Variants in ITGA1 observed in about 807,000 individuals in gnomAD.
The protein encoded by ITGA1 is integrin subunit alpha 1.
Under a neutral mutation model 145.9 loss-of-function variants are expected in ITGA1, and 85 were observed. The observed-to-expected ratio is 0.58, with a 90% CI of 0.49 to 0.70. The LOEUF (loss-of-function observed/expected upper bound fraction) is 0.70. Among genes scored for constraint, ITGA1 ranks in the 30% least tolerant of loss-of-function variants. The pLI, the probability that ITGA1 is intolerant of heterozygous loss-of-function variation, is 0.00. For synonymous variants in ITGA1, 520 were observed against 495.3 expected (o/e 1.05, Z -0.66); for missense variants, 1,351 against 1,418.7 (o/e 0.95, Z 0.77).
chr5:52,790,927 C>A lies in ITGA1; in HGVS notation c.61+2513C>A, dbSNP rs539262654. 3.7e-4 allele frequency among the ~76,000 whole-genome samples: 57 copies of A among 152,274 alleles called. No homozygotes were observed. In the South Asian group the frequency reaches 4.8e-3, roughly 13 times the overall value. ...GTTCATTTTGCCACTGAAGATATGA[C>A]CTTGTTTTATACATCGAGAAAAGAA... On this transcript the variant is annotated intron_variant, in intron 1 of 28. Transcript: ENST00000282588.
chr5:52,930,893 T>A (rs1298841413), intron 21 of ITGA1, among the ~76,000 whole-genome samples: 1 of 151,956 alleles, frequency 6.6e-6, no homozygotes, highest in Non-Finnish European at 1.5e-5. Flanking sequence ...GCCAGTAAAG[T>A]TTTTGAGAGG....
intron 6 of ITGA1, among the ~76,000 whole-genome samples, chr5:52,868,616 T>A (rs975617956): frequency 1.3e-5 from 2 of 152,158 alleles, no homozygotes; most frequent in African/African-American, 4.8e-5. Flanking sequence ...TCAGACAAAT[T>A]CAGGAGGGCC....
At chr5:52,866,467 T>C (rs1293926954) in intron 6 of ITGA1, among the ~76,000 whole-genome samples, 1 of 152,176 alleles carries the variant, frequency 6.6e-6, no homozygotes, top group African/African-American at 2.4e-5. Context: ...GAGCCGGGTG[T>C]CAGAGTTTGT....
At chr5:52,868,200 A>C (rs1432112928) in intron 6 of ITGA1, among the ~76,000 whole-genome samples, 4 of 152,216 alleles carry the variant, frequency 2.6e-5, no homozygotes, top group African/African-American at 7.2e-5. Context: ...ACAGCCATCT[A>C]AATATTTTAT....
chr5:52,846,674 A>G (rs1478689063), intron 1 of ITGA1, among the ~76,000 whole-genome samples: 3 of 152,216 alleles, frequency 2.0e-5, no homozygotes, highest in African/African-American at 7.2e-5. Context: ...AATGTACATA[A>G]AAGGACCCGT....
chr5:52,836,961 A>T (rs758749708), intron 1 of ITGA1, among the ~76,000 whole-genome samples: 3 of 152,216 alleles, frequency 2.0e-5, no homozygotes, highest in African/African-American at 7.2e-5. Flanking sequence ...CGAGAAAATT[A>T]TGAGGAATAA....
rs141246466 is a variant in ITGA1, at chr5:52,796,011, T to C, written c.61+7597T>C. Among the ~76,000 whole-genome samples, 26 of 152,086 alleles carry C rather than the reference T, an allele frequency of 1.7e-4. No homozygotes were observed. In the East Asian group the frequency reaches 3.1e-3, roughly 18 times the overall value. Reference sequence around the variant, plus strand: ...TCTTAGAAAAATCAGATTTGAAAGATAGCACGCAAAATTGAAAACAAATAT... The same window carrying C: ...TCTTAGAAAAATCAGATTTGAAAGACAGCACGCAAAATTGAAAACAAATAT... On this transcript the variant is annotated intron_variant, in intron 1 of 28. Transcript: ENST00000282588.
intron 1 of ITGA1, among the ~76,000 whole-genome samples, chr5:52,829,460 G>A (rs1749022504): frequency 6.6e-6 from 1 of 152,116 alleles, no homozygotes; most frequent in Non-Finnish European, 1.5e-5. Context: ...CAAAATATCT[G>A]TAGGTTAAGG....
chr5:52,791,818 A>T (rs1157301056), intron 1 of ITGA1, among the ~76,000 whole-genome samples: 2 of 152,236 alleles, frequency 1.3e-5, no homozygotes, highest in East Asian at 1.9e-4. Flanking sequence ...TATTTTAGAG[A>T]TGAGGAAATC....
At chr5:52,858,309 T>A (rs1401330347) in intron 2 of ITGA1, among the ~76,000 whole-genome samples, 2 of 152,218 alleles carry the variant, frequency 1.3e-5, no homozygotes, top group Non-Finnish European at 2.9e-5. Flanking sequence ...TTTACCTCTC[T>A]AGCCTCAACT....
chr5:52,807,485 C>T (rs764616996), intron 1 of ITGA1, among the ~76,000 whole-genome samples: 21 of 151,988 alleles, frequency 1.4e-4, no homozygotes, highest in Non-Finnish European at 2.4e-4. Flanking sequence ...TGAGGTGCTC[C>T]CTCAGCTATC....
At chr5:52,930,830 A>G (rs1189183884) in intron 21 of ITGA1, among the ~76,000 whole-genome samples, 1 of 152,140 alleles carries the variant, frequency 6.6e-6, no homozygotes, top group Non-Finnish European at 1.5e-5. Flanking sequence ...ATATTACGCT[A>G]GGTACTGAAT....
intron 1 of ITGA1, among the ~76,000 whole-genome samples, chr5:52,812,009 C>T (rs1748690325): frequency 6.6e-6 from 1 of 152,158 alleles, no homozygotes; most frequent in African/African-American, 2.4e-5. Flanking sequence ...TCAGGTGCTT[C>T]TTATCTGCAG....
At chr5:52,800,353 C>T (rs1256671260) in intron 1 of ITGA1, 2 of 1,611,090 alleles carry the variant, frequency 1.2e-6, no homozygotes, top group Admixed American at 1.7e-5. Context: ...GTGAGGACCT[C>T]CTTGGTTCCT....
chr5:52,872,935 A>C (rs1408947805), intron 6 of ITGA1, among the ~76,000 whole-genome samples: 1 of 152,038 alleles, frequency 6.6e-6, no homozygotes, highest in African/African-American at 2.4e-5. Flanking sequence ...TGCTCTTATC[A>C]CTCAGTAGCA....
chr5:52,901,063 C>T (rs1015038729), intron 11 of ITGA1, among the ~76,000 whole-genome samples: 2 of 152,036 alleles, frequency 1.3e-5, no homozygotes, highest in Non-Finnish European at 2.9e-5. Context: ...TTAAGGATCC[C>T]GAGTTGGAAG....
Position 52,927,591 on chromosome 5 carries a change from A to T in ITGA1, c.2621A>T (p.Gln874Leu). 1.2e-6 allele frequency: 2 copies of T among 1,607,994 alleles called. No homozygotes were observed. The highest frequency in any genetic ancestry group is 1.7e-6 in the Non-Finnish European group (2 of 1,175,730). ...NLVFSGIEAI[Q>L]KDSCESNHNI... ...TTTGCTTTCTCTTCCTAGGCTATCC[A>T]AAAAGACAGTTGTGAATCTAATCAT... is the stretch of plus-strand genomic sequence containing the variant. The change falls in exon 20 of 29, where the codon CAA becomes CTA. Residue 874 changes from glutamine (Q) to leucine (L), a missense_variant. Gln to Leu is a moderately radical substitution (Grantham distance 113). Transcript: ENST00000282588.
chr5:52,933,954 T>G lies in ITGA1; in HGVS notation c.2922T>G (p.Asn974Lys). 1 of 1,530,338 alleles carries G rather than the reference T, an allele frequency of 6.5e-7. No individual in the cohort carries two copies. The highest frequency in any genetic ancestry group is 8.8e-7 in the Non-Finnish European group (1 of 1,131,886). The allele number at this position is 1,530,338 out of a possible 1,614,324, so 94.8% of individuals were successfully genotyped here. A position where few individuals can be genotyped will look rare whatever the true frequency, so the allele number is the denominator to read the frequency against. The change falls in exon 23 of 29, where the codon AAT becomes AAG. Residue 974 changes from asparagine (N) to lysine (K), a missense_variant. Transcript: ENST00000282588. Reference protein sequence around the residue: ...AANETVPEVINSTEDIGNEIN... With the variant: ...AANETVPEVIKSTEDIGNEIN... ...ATGAGACAGTCCCTGAAGTTATTAA[T>G]TCTACTGAGGACATTGGAAATGAAA... is the stretch of plus-strand genomic sequence containing the variant.
chr5:52,938,188 G>A (rs1207337112), intron 24 of ITGA1, among the ~76,000 whole-genome samples: 1 of 152,032 alleles, frequency 6.6e-6, no homozygotes, highest in African/African-American at 2.4e-5. Flanking sequence ...TTGATTTGTG[G>A]TAATCAAACA....
Sources: gnomAD v4.1 joint callset for allele counts (sites outside exome capture counted in the v4.1 genomes callset) on GRCh38, gnomAD v4.1.1 for gene constraint, MANE v1.5 for transcripts, NCBI Gene and HGNC (gene_info 2026-07-23, HGNC 2026-07-21) for gene names.